Variants in UBE2K observed in about 807,000 individuals in gnomAD.
The protein encoded by UBE2K is ubiquitin-conjugating enzyme E2 K.
Under a neutral mutation model 30.0 loss-of-function variants are expected in UBE2K, and 6 were observed. The ratio of observed to expected loss-of-function variants is 0.20; its 90% CI spans 0.11 to 0.39. The LOEUF (loss-of-function observed/expected upper bound fraction) is 0.39. Among genes scored for constraint, UBE2K ranks in the 10% least tolerant of loss-of-function variants. The pLI is 1.00. For missense variants in UBE2K, 61 were observed against 241.6 expected, an observed-to-expected ratio of 0.25 and a Z score of 4.96; for synonymous variants, 86 against 83.7, an observed-to-expected ratio of 1.03 and a Z score of -0.15.
intron 1 of UBE2K, among the ~76,000 whole-genome samples, chr4:39,737,145 T>C (rs935001374): frequency 1.3e-5 from 2 of 152,228 alleles, no homozygotes; most frequent in African/African-American, 4.8e-5. Context: ...GCTTTTATAC[T>C]ATTTTTCCCT....
At chr4:39,725,790 A>C (rs1334341730) in intron 1 of UBE2K, among the ~76,000 whole-genome samples, 2 of 152,062 alleles carry the variant, frequency 1.3e-5, no homozygotes, top group Admixed American at 6.6e-5. Context: ...CTACAGGTGC[A>C]CACCACCATA....
In UBE2K at chr4:39,781,940, A is replaced by G. The variant is rs1713637812; in HGVS notation, c.*3506A>G. 1 of 398,386 alleles carries G rather than the reference A, an allele frequency of 2.5e-6. No individual in the cohort carries two copies. The highest frequency in any genetic ancestry group is 4.4e-6 in the Non-Finnish European group (1 of 225,964). 24.7% of individuals were successfully genotyped at this position (398,386 alleles called of 1,614,324 possible). Reference sequence around the variant, plus strand: ...AAGGCAACTTGAAGTATTTACTGATAAAATAGCCTTTATTCCCAAGTGTGA... The same window carrying G: ...AAGGCAACTTGAAGTATTTACTGATGAAATAGCCTTTATTCCCAAGTGTGA... On this transcript the variant is annotated 3_prime_UTR_variant, in exon 7 of 7. Coordinates refer to ENST00000261427, the MANE Select transcript of UBE2K (RefSeq NM_005339.5).
Position 39,776,650 on chromosome 4 carries a change from A to G in UBE2K, c.400-1032A>G, listed in dbSNP as rs191585675. The stretch of plus-strand genomic sequence containing the variant: ...TCCTCTTGGCAAACTTCTTTAACCT[A>G]TAAGATTTTAATTTATATATTATCT... On this transcript the variant is annotated intron_variant, in intron 5 of 6. Transcript: ENST00000261427. Among the ~76,000 whole-genome samples the G allele has an allele frequency of 2.6e-5, 4 of 152,236 alleles. No individual in the cohort carries two copies. The East Asian group carries it at 5.8e-4, about 22-fold the overall frequency.
At chr4:39,767,319 G>A (rs1413920093) in intron 4 of UBE2K, among the ~76,000 whole-genome samples, 1 of 148,290 alleles carries the variant, frequency 6.7e-6, no homozygotes, top group East Asian at 2.0e-4. Flanking sequence ...TTGTGTGTGT[G>A]TTTTGTTTGT....
intron 1 of UBE2K, among the ~76,000 whole-genome samples, chr4:39,711,349 A>C (rs1194002016): frequency 6.6e-6 from 1 of 151,340 alleles, no homozygotes; most frequent in East Asian, 1.9e-4. Context: ...TTTTTGGTAG[A>C]GACAGGGTTT....
At chr4:39,715,639 T>G (rs535238194) in intron 1 of UBE2K, among the ~76,000 whole-genome samples, 1 of 152,288 alleles carries the variant, frequency 6.6e-6, no homozygotes, top group South Asian at 2.1e-4. Context: ...TCAATTTTTT[T>G]CTGGTGTATT....
At chr4:39,743,595 C>T (rs1198021760) in intron 2 of UBE2K, among the ~76,000 whole-genome samples, 3 of 142,398 alleles carry the variant, frequency 2.1e-5, no homozygotes, top group African/African-American at 8.3e-5. Flanking sequence ...CAGAGCGAGA[C>T]TCCGTCTCAA....
In UBE2K at chr4:39,699,368, G is replaced by A. The variant is rs553045781; in HGVS notation, c.63+978G>A. ...TGAAATTTCACCAGATTAATACATT[G>A]TTTCATCTCCTTATTGAGATTTATC... is the stretch of plus-strand genomic sequence containing the variant. On this transcript the variant is annotated intron_variant, in intron 1 of 6. Transcript: ENST00000261427. 1.8e-4 allele frequency among the ~76,000 whole-genome samples: 28 copies of A among 152,236 alleles called. No individual in the cohort carries two copies. The East Asian group carries it at 4.6e-3, about 25-fold the overall frequency.
intron 4 of UBE2K, among the ~76,000 whole-genome samples, chr4:39,772,941 C>A (rs1395038171): frequency 6.6e-6 from 1 of 151,762 alleles, no homozygotes; most frequent in Non-Finnish European, 1.5e-5. Flanking sequence ...CCCGCCCTGG[C>A]CTCCCAAAGT....
At chr4:39,740,479 C>T (rs1440349400) in intron 2 of UBE2K, among the ~76,000 whole-genome samples, 1 of 148,652 alleles carries the variant, frequency 6.7e-6, no homozygotes, top group Non-Finnish European at 1.5e-5. Context: ...GGAGGCGGAG[C>T]CTTCAGTGAG....
chr4:39,747,257 T>C (rs1255065205), intron 3 of UBE2K, among the ~76,000 whole-genome samples: 1 of 152,232 alleles, frequency 6.6e-6, no homozygotes, highest in Non-Finnish European at 1.5e-5. Flanking sequence ...TCAGTGGCAG[T>C]GTATTTACCT....
chr4:39,777,960 T>A, intron 6 of UBE2K, 150 bp downstream of exon 6: 1 of 648,888 alleles, frequency 1.5e-6, no homozygotes. Context: ...TAGCTGGACA[T>A]GGTAGTGAGT....
intron 1 of UBE2K, among the ~76,000 whole-genome samples, chr4:39,725,389 A>C (rs921331257): frequency 1.3e-5 from 2 of 148,946 alleles, no homozygotes; most frequent in Admixed American, 6.6e-5. Context: ...AAAAAAAAAA[A>C]AAAAAAAAAA....
rs1251770373 is a variant in UBE2K at position 39,753,638 on chromosome 4, T to C, written c.217-2019T>C. ...TGGAATAGATCAGGAAGAAGTGATA[T>C]GGAAAGTGAAACTTGAAGAGTAGGA... On this transcript the variant is annotated intron_variant, in intron 3 of 6. Coordinates refer to ENST00000261427, the MANE Select transcript of UBE2K (RefSeq NM_005339.5). Among the ~76,000 whole-genome samples, 4 of 152,252 alleles carry C rather than the reference T, an allele frequency of 2.6e-5. No individual in the cohort carries two copies. In the East Asian group the frequency reaches 5.8e-4, roughly 22 times the overall value.
chr4:39,762,542 A>G (rs1052441968), intron 4 of UBE2K, among the ~76,000 whole-genome samples: 2 of 152,236 alleles, frequency 1.3e-5, no homozygotes, highest in African/African-American at 4.8e-5. Context: ...CAGGGAGCTT[A>G]TGATCACAGC....
intron 2 of UBE2K, among the ~76,000 whole-genome samples, chr4:39,743,926 G>C (rs990465748): frequency 6.6e-6 from 1 of 152,050 alleles, no homozygotes; most frequent in Admixed American, 6.5e-5. Context: ...GCAGTGGTGC[G>C]AACTTGGCTC....
At chr4:39,768,276 CA>C (rs35596173) in intron 4 of UBE2K, among the ~76,000 whole-genome samples, 37 of 113,542 alleles carry the variant, frequency 3.3e-4, no homozygotes, top group South Asian at 3.2e-4. Flanking sequence ...CCGTCTCTAC[CA>C]AAAAAAAAAA....
At chr4:39,768,296 T>C (rs1423354022) in intron 4 of UBE2K, among the ~76,000 whole-genome samples, 1 of 57,786 alleles carries the variant, frequency 1.7e-5, no homozygotes, top group Non-Finnish European at 3.6e-5. Flanking sequence ...AAAAAAAAAA[T>C]CAGCCAGGCA....
chr4:39,758,458 G>A (rs147790164), intron 4 of UBE2K, among the ~76,000 whole-genome samples: 70 of 152,228 alleles, frequency 4.6e-4, no homozygotes, highest in African/African-American at 1.7e-3. Context: ...TGGGCAGATC[G>A]CTTGAGGTCA....
Sources: allele counts gnomAD v4.1 joint callset (sites outside exome capture counted in the v4.1 genomes callset), GRCh38; gene constraint gnomAD v4.1.1; transcripts MANE v1.5; gene names NCBI Gene and HGNC (gene_info 2026-07-23, HGNC 2026-07-21).